Variants in BTBD9 observed in about 807,000 individuals in gnomAD.
BTBD9 encodes BTB/POZ domain-containing protein 9.
BTBD9 carries 49 observed loss-of-function variants against 64.3 expected under a neutral mutation model. The observed-to-expected ratio is 0.76, with a 90% CI of 0.61 to 0.97. BTBD9 has a LOEUF of 0.97. Among genes scored for constraint, BTBD9 ranks in the 50% least tolerant of loss-of-function variants. BTBD9 has a pLI of 0.00. For synonymous variants in BTBD9, 260 were observed against 274.7 expected, an observed-to-expected ratio of 0.95 and a Z score of 0.53; for missense variants, 598 against 762.1, an observed-to-expected ratio of 0.78 and a Z score of 2.53.
intron 7 of BTBD9, among the ~76,000 whole-genome samples, chr6:38,293,174 C>T (rs535219747): frequency 5.9e-5 from 9 of 152,020 alleles, no homozygotes; most frequent in East Asian, 3.9e-4. Context: ...AGAACACAAA[C>T]GAATGGAAAA....
chr6:38,438,147 T>C (rs1366527301), intron 6 of BTBD9, among the ~76,000 whole-genome samples: 1 of 146,828 alleles, frequency 6.8e-6, no homozygotes, highest in Non-Finnish European at 1.5e-5. Flanking sequence ...TACTACTTGA[T>C]TCAGTAAGGC....
intron 9 of BTBD9, among the ~76,000 whole-genome samples, chr6:38,244,702 A>G (rs1764122771): frequency 6.6e-6 from 1 of 152,178 alleles, no homozygotes; most frequent in South Asian, 2.1e-4. Context: ...TGAAGTGATA[A>G]ACTGTTACCA....
At chr6:38,635,772 T>C (rs1778509493) in intron 1 of BTBD9, among the ~76,000 whole-genome samples, 1 of 152,212 alleles carries the variant, frequency 6.6e-6, no homozygotes, top group African/African-American at 2.4e-5. Context: ...ATTTCTGTTC[T>C]TTATAAATTA....
At chr6:38,622,177 G>A (rs1372464350) in intron 1 of BTBD9, among the ~76,000 whole-genome samples, 1 of 152,222 alleles carries the variant, frequency 6.6e-6, no homozygotes, top group East Asian at 1.9e-4. Context: ...GTGTGCCAAA[G>A]GATAATCCCT....
intron 6 of BTBD9, among the ~76,000 whole-genome samples, chr6:38,537,870 ACAT>A (rs1283563554): frequency 7.9e-5 from 12 of 152,284 alleles, no homozygotes; most frequent in African/African-American, 2.9e-4. Flanking sequence ...TGGTCCTAAT[ACAT>A]TGGGCATACT....
At chr6:38,573,000 C>CAT (rs970942031) in intron 6 of BTBD9, among the ~76,000 whole-genome samples, 18 of 151,384 alleles carry the variant, frequency 1.2e-4, no homozygotes, top group African/African-American at 1.9e-4. Context: ...AGGATAATGT[C>CAT]ATATATATAT....
chr6:38,180,786 C>T (rs1277247547), intron 10 of BTBD9, among the ~76,000 whole-genome samples: 3 of 152,240 alleles, frequency 2.0e-5, no homozygotes, highest in Non-Finnish European at 2.9e-5. Context: ...CACAAAGGGG[C>T]GCCTTCGCTG....
intron 6 of BTBD9, among the ~76,000 whole-genome samples, chr6:38,463,278 T>A (rs1334027870): frequency 6.6e-6 from 1 of 152,270 alleles, no homozygotes; most frequent in Non-Finnish European, 1.5e-5. Flanking sequence ...AGCTTTTTTG[T>A]GGATTCCATT....
chr6:38,601,273 T>C (rs1204668790), intron 1 of BTBD9, among the ~76,000 whole-genome samples: 1 of 152,202 alleles, frequency 6.6e-6, no homozygotes, highest in Non-Finnish European at 1.5e-5. Flanking sequence ...GGATATAATT[T>C]AATTTGAATC....
chr6:38,486,657 A>G (rs9349087), intron 6 of BTBD9, among the ~76,000 whole-genome samples: 39,101 of 152,128 alleles, frequency 0.26, 5,736 homozygotes, highest in East Asian at 0.51. Flanking sequence ...CAAAACAATT[A>G]CAATAGTAAC....
At chr6:38,421,569 G>A (rs1032888000) in intron 6 of BTBD9, among the ~76,000 whole-genome samples, 1 of 152,170 alleles carries the variant, frequency 6.6e-6, no homozygotes, top group African/African-American at 2.4e-5. Context: ...ACAGGCTTCC[G>A]TATATTGGCC....
At chr6:38,277,266 T>C (rs1283798295) in intron 8 of BTBD9, among the ~76,000 whole-genome samples, 3 of 152,058 alleles carry the variant, frequency 2.0e-5, no homozygotes, top group Non-Finnish European at 4.4e-5. Context: ...ACCAAACATA[T>C]ATAATCAATG....
chr6:38,342,257 C>T (rs983842776), intron 7 of BTBD9, among the ~76,000 whole-genome samples: 24 of 151,862 alleles, frequency 1.6e-4, no homozygotes, highest in African/African-American at 4.4e-4. Context: ...ATTTGAGGGC[C>T]GGGCATGGTG....
At chr6:38,493,646 TAGTC>T (rs1771801239) in intron 6 of BTBD9, among the ~76,000 whole-genome samples, 1 of 152,222 alleles carries the variant, frequency 6.6e-6, no homozygotes, top group Admixed American at 6.5e-5. Flanking sequence ...GATCTATAGT[TAGTC>T]AGTTTTGCTA....
intron 6 of BTBD9, among the ~76,000 whole-genome samples, chr6:38,432,448 A>T (rs1391256210): frequency 2.0e-5 from 3 of 151,956 alleles, no homozygotes; most frequent in Non-Finnish European, 4.4e-5. Context: ...CACCATTTGT[A>T]AGACTAATGA....
intron 6 of BTBD9, among the ~76,000 whole-genome samples, chr6:38,381,474 A>T (rs191086615): frequency 6.6e-6 from 1 of 152,204 alleles, no homozygotes; most frequent in Non-Finnish European, 1.5e-5. Context: ...AAAGTAGCAA[A>T]CTGAGAAACT....
At chr6:38,636,827 A>G (rs1778542793) in intron 1 of BTBD9, among the ~76,000 whole-genome samples, 1 of 152,102 alleles carries the variant, frequency 6.6e-6, no homozygotes, top group African/African-American at 2.4e-5. Flanking sequence ...CACTTCCCCC[A>G]TGCAATAAGA....
Position 38,592,592 on chromosome 6 carries a change from A to G in BTBD9, c.798T>C (p.Asn266=), listed in dbSNP as rs1776849073. The change falls in exon 4 of 11, where the codon AAT becomes AAC. Residue 266 remains asparagine, a synonymous_variant. Transcript: ENST00000481247. ...GGTACTTACTGAGCATGCCTCTATA[A>G]TTGAGGTCCATATCCCGGCTCTCAG... ...VRSESRDMDL[N]YRGMLIPEEN... 1.9e-6 allele frequency: 3 copies of G among 1,614,080 alleles called. No homozygotes were observed. The East Asian group carries it at 6.7e-5, about 36-fold the overall frequency.
chr6:38,249,958 A>G (rs944360638), intron 9 of BTBD9, among the ~76,000 whole-genome samples: 1 of 152,194 alleles, frequency 6.6e-6, no homozygotes, highest in Non-Finnish European at 1.5e-5. Context: ...CACTCAGGGA[A>G]GCACAAGGAT....
Sources: gnomAD v4.1 joint callset for allele counts (sites outside exome capture counted in the v4.1 genomes callset) on GRCh38, gnomAD v4.1.1 for gene constraint, MANE v1.5 for transcripts, NCBI Gene and HGNC (gene_info 2026-07-23, HGNC 2026-07-21) for gene names.